SCHIP1: variants seen among roughly 807,000 people sequenced by gnomAD.
SCHIP1 encodes the protein schwannomin-interacting protein 1.
In SCHIP1, 8 loss-of-function variants were observed where a neutral mutation model predicts 29.7. That is an observed-to-expected ratio of 0.27 (90% CI 0.16 to 0.49). The LOEUF is 0.49. Ranked by LOEUF, SCHIP1 falls within the 20% of genes least tolerant of loss-of-function variation. The pLI is 0.99. For missense variants in SCHIP1, 193 were observed against 294.6 expected (o/e 0.66, Z 2.52); for synonymous variants, 76 against 94.9 (o/e 0.80, Z 1.16).
At chr3:159,840,040 A>T in exon 1 of SCHIP1, 1 of 1,472,586 alleles carries the variant, frequency 6.8e-7, no homozygotes, top group South Asian at 1.4e-5. Context: ...CAGGTTGATC[A>T]GCGAAACAGC....
At chr3:159,607,512 G>A in the SCHIP1 span, among the ~76,000 whole-genome samples, 1 of 152,066 alleles carries the variant, frequency 6.6e-6, no homozygotes, top group East Asian at 1.9e-4. Flanking sequence ...AAAATGAGGG[G>A]GCCCTTTCTT....
At chr3:159,350,055 T>G in the SCHIP1 span, among the ~76,000 whole-genome samples, 1 of 152,224 alleles carries the variant, frequency 6.6e-6, no homozygotes, top group Non-Finnish European at 1.5e-5. Context: ...GTTTTCAGAT[T>G]GCTGAAAATC....
chr3:159,508,058 GT>G, the SCHIP1 span, among the ~76,000 whole-genome samples: 1 of 152,178 alleles, frequency 6.6e-6, no homozygotes, highest in Admixed American at 6.5e-5. Flanking sequence ...GCTCCTCCTT[GT>G]ACCTCTGGTA....
At chr3:159,397,389 G>T in the SCHIP1 span, among the ~76,000 whole-genome samples, 3 of 152,196 alleles carry the variant, frequency 2.0e-5, no homozygotes, top group Non-Finnish European at 1.5e-5. Context: ...TGGAGGAGGA[G>T]AGGCGCTCTG....
the SCHIP1 span, among the ~76,000 whole-genome samples, chr3:159,392,139 T>G: frequency 6.6e-6 from 1 of 152,168 alleles, no homozygotes; most frequent in Admixed American, 6.6e-5. Context: ...AAACATCCCC[T>G]TAGTTGCCTG....
At chr3:159,532,387 C>T in the SCHIP1 span, among the ~76,000 whole-genome samples, 367 of 151,820 alleles carry the variant, frequency 2.4e-3, 1 homozygote, top group African/African-American at 8.6e-3. Flanking sequence ...GACCCATTAC[C>T]GAGAAAGAAC....
chr3:159,348,547 T>G, the SCHIP1 span, among the ~76,000 whole-genome samples: 1 of 152,160 alleles, frequency 6.6e-6, no homozygotes, highest in East Asian at 1.9e-4. Context: ...TTAGATCTTT[T>G]AAATTTGCAT....
the SCHIP1 span, among the ~76,000 whole-genome samples, chr3:159,400,897 G>A: frequency 6.6e-6 from 1 of 152,140 alleles, no homozygotes; most frequent in Non-Finnish European, 1.5e-5. Context: ...CCTATCTTCT[G>A]TTATCCTTGT....
chr3:159,556,134 A>G, the SCHIP1 span, among the ~76,000 whole-genome samples: 1 of 152,218 alleles, frequency 6.6e-6, no homozygotes, highest in Non-Finnish European at 1.5e-5. Flanking sequence ...TCTCAAAAGA[A>G]GACATTTATG....
the SCHIP1 span, among the ~76,000 whole-genome samples, chr3:159,751,328 A>T: frequency 6.6e-6 from 1 of 152,198 alleles, no homozygotes; most frequent in East Asian, 1.9e-4. Flanking sequence ...AAAGCCAAAA[A>T]TATTTACCAT....
chr3:159,747,338 G>T, the SCHIP1 span, among the ~76,000 whole-genome samples: 1 of 152,172 alleles, frequency 6.6e-6, no homozygotes, highest in Admixed American at 6.5e-5. Flanking sequence ...CCTTGTCTCT[G>T]TGAGTCCTTC....
chr3:159,765,072 G>A, the SCHIP1 span: 2 of 1,567,500 alleles, frequency 1.3e-6, no homozygotes, highest in Non-Finnish European at 1.7e-6. Flanking sequence ...AGAAGCATCT[G>A]GCCGGGCTGC....
chr3:159,829,391 C>CA, the SCHIP1 span, among the ~76,000 whole-genome samples: 2 of 151,484 alleles, frequency 1.3e-5, no homozygotes, highest in Non-Finnish European at 2.9e-5. Flanking sequence ...CCAAGCCCCC[C>CA]AAAAAAAATC....
At chr3:159,693,587 G>A in the SCHIP1 span, among the ~76,000 whole-genome samples, 191 of 152,248 alleles carry the variant, frequency 1.3e-3, no homozygotes, top group African/African-American at 4.5e-3. Flanking sequence ...TCTATAAGAC[G>A]AACTGGAGAA....
the SCHIP1 span, among the ~76,000 whole-genome samples, chr3:159,661,875 G>C: frequency 2.6e-5 from 4 of 152,136 alleles, no homozygotes; most frequent in African/African-American, 9.7e-5. Flanking sequence ...GGATACAGTG[G>C]GTTCTAGATT....
the SCHIP1 span, chr3:159,765,721 A>G: frequency 1.3e-5 from 2 of 152,226 alleles, no homozygotes; most frequent in Non-Finnish European, 2.9e-5. Flanking sequence ...TTCTTCCTTT[A>G]TGAAACCCGA....
chr3:159,733,588 G>C, the SCHIP1 span, among the ~76,000 whole-genome samples: 105 of 152,318 alleles, frequency 6.9e-4, no homozygotes, highest in African/African-American at 2.3e-3. Flanking sequence ...CTACAGTTGT[G>C]TGGGGGAGTG....
chr3:159,393,625 G>T, the SCHIP1 span, among the ~76,000 whole-genome samples: 1 of 148,898 alleles, frequency 6.7e-6, no homozygotes, highest in Non-Finnish European at 1.5e-5. Flanking sequence ...GATAGTTGTA[G>T]ATATGTGGCG....
chr3:159,397,488 G>C, the SCHIP1 span, among the ~76,000 whole-genome samples: 1 of 152,192 alleles, frequency 6.6e-6, no homozygotes, highest in Admixed American at 6.5e-5. Flanking sequence ...GTGATGTACA[G>C]ATGGGTTTTT....
Sources: gnomAD v4.1 joint callset for allele counts (sites outside exome capture counted in the v4.1 genomes callset) on GRCh38, gnomAD v4.1.1 for gene constraint, MANE v1.5 for transcripts, NCBI Gene and HGNC (gene_info 2026-07-23, HGNC 2026-07-21) for gene names.